The following ARMC8 variants were observed in gnomAD, a reference collection of about 807,000 sequenced individuals.
The protein encoded by ARMC8 is armadillo repeat containing 8, also known as armadillo repeat-containing protein 8.
ARMC8 carries 20 observed loss-of-function variants against 99.3 expected under a neutral mutation model. The ratio of observed to expected loss-of-function variants is 0.20; its 90% confidence interval spans 0.14 to 0.29. ARMC8 has a LOEUF of 0.29. Among genes scored for constraint, ARMC8 ranks in the 10% least tolerant of loss-of-function variants. The probability of loss-of-function intolerance (pLI) is 1.00; values close to 1 mark genes in which losing one functional copy is unlikely to be tolerated. For missense variants in ARMC8, 569 were observed against 809.5 expected, an observed-to-expected ratio of 0.70 and a Z score of 3.60; for synonymous variants, 263 against 278.3, an observed-to-expected ratio of 0.95 and a Z score of 0.55.
At chr3:138,195,661 G>C (rs190592645) in intron 1 of ARMC8, among the ~76,000 whole-genome samples, 1 of 152,008 alleles carries the variant, frequency 6.6e-6, no homozygotes. Flanking sequence ...CATCTGTCCT[G>C]TTGGCTTCTG....
intron 14 of ARMC8, among the ~76,000 whole-genome samples, chr3:138,264,926 CTCACTGTG>C (rs2048129525): frequency 1.3e-5 from 2 of 150,262 alleles, no homozygotes; most frequent in East Asian, 2.0e-4. Context: ...GACACAGGGT[CTCACTGTG>C]TCACACAGGC....
chr3:138,234,919 A>C (rs2046251576), intron 6 of ARMC8, 115 bp from the exon 7 acceptor site: 1 of 774,788 alleles, frequency 1.3e-6, no homozygotes, highest in African/African-American at 1.8e-5. Context: ...TTAAGCAAAG[A>C]GTAACAGGAT....
intron 21 of ARMC8, among the ~76,000 whole-genome samples, chr3:138,291,060 AC>A (rs1347061515): frequency 6.6e-6 from 1 of 152,238 alleles, no homozygotes; most frequent in Non-Finnish European, 1.5e-5. Flanking sequence ...CTAAGGAATC[AC>A]TGTCCTCAAA....
intron 2 of ARMC8, among the ~76,000 whole-genome samples, chr3:138,218,905 A>G (rs752666139): frequency 2.0e-5 from 3 of 152,204 alleles, no homozygotes; most frequent in Non-Finnish European, 2.9e-5. Context: ...AGTTAGAAAC[A>G]CTTTTATTTT....
chr3:138,275,723 G>A (rs1445375458), intron 18 of ARMC8, among the ~76,000 whole-genome samples: 1 of 152,184 alleles, frequency 6.6e-6, no homozygotes, highest in Non-Finnish European at 1.5e-5. Context: ...AGCCTTGGAA[G>A]AACAGTCCAG....
At chr3:138,195,103 C>T (rs575286852) in intron 1 of ARMC8, among the ~76,000 whole-genome samples, 24 of 151,866 alleles carry the variant, frequency 1.6e-4, no homozygotes, top group South Asian at 1.5e-3. Context: ...GGTGAAACCC[C>T]GTCTCTACTA....
At chr3:138,188,916 A>T (rs1280559328) in intron 1 of ARMC8, among the ~76,000 whole-genome samples, 1 of 152,182 alleles carries the variant, frequency 6.6e-6, no homozygotes, top group African/African-American at 2.4e-5. Context: ...AATACTGTTT[A>T]CCTAAGTATT....
In ARMC8 at chr3:138,270,023, T is replaced by C. The variant is rs1560021902; in HGVS notation, c.1387-17T>C. On this transcript the variant is annotated splice_polypyrimidine_tract_variant and intron_variant, in intron 15 of 21. Transcript: ENST00000469044. ...GACTTTAAAGCTGTGATTTTTTTTT[T>C]CCCTGTCCAATGGCAGCCAATTTTG... 6.3e-7 allele frequency: 1 copy of C among 1,578,886 alleles called. No individual in the cohort carries two copies. Among genetic ancestry groups the C allele is most frequent in the Non-Finnish European group, 8.7e-7 (1 of 1,149,066 alleles).
In ARMC8 at chr3:138,228,873, A is replaced by G. The variant is rs374756423; in HGVS notation, c.436-45A>G. ...AAATATTTTATATTTTATCAAATGT[A>G]CTCATGGTGCCTGAGTTTCTTGTTG... On this transcript the variant is annotated intron_variant, in intron 5 of 21. Coordinates refer to ENST00000469044, the MANE Select transcript of ARMC8 (RefSeq NM_001363941.2). 3.5e-5 allele frequency: 40 copies of G among 1,138,418 alleles called. No individual in the cohort carries two copies. In the Admixed American group the frequency reaches 4.7e-4, roughly 13 times the overall value. The allele number at this position is 1,138,418 out of a possible 1,614,324, so 70.5% of individuals were successfully genotyped here.
At chr3:138,267,106 C>A in intron 14 of ARMC8, 49 bp from the exon 15 acceptor site, 1 of 928,472 alleles carries the variant, frequency 1.1e-6, no homozygotes, top group Non-Finnish European at 1.6e-6. Flanking sequence ...TTTTATATCT[C>A]ATCTTCATCA....
At chr3:138,274,638 C>CA in intron 18 of ARMC8, 94 bp downstream of exon 18, 1 of 906,640 alleles carries the variant, frequency 1.1e-6, no homozygotes, top group Non-Finnish European at 1.8e-6. Context: ...CTGCAGAAGA[C>CA]AGAGTGCTGA....
chr3:138,254,834 C>T (rs1178316066), intron 12 of ARMC8, among the ~76,000 whole-genome samples: 1 of 152,132 alleles, frequency 6.6e-6, no homozygotes, highest in East Asian at 1.9e-4. Flanking sequence ...TTAACATAAA[C>T]GACTTTCCCA....
At chr3:138,257,751 G>A (rs534061164) in intron 12 of ARMC8, among the ~76,000 whole-genome samples, 1 of 152,228 alleles carries the variant, frequency 6.6e-6, no homozygotes, top group African/African-American at 2.4e-5. Flanking sequence ...GCGTGTCCTG[G>A]GACTTGTGTT....
intron 19 of ARMC8, among the ~76,000 whole-genome samples, chr3:138,285,631 ACTTC>A (rs1460892381): frequency 6.6e-6 from 1 of 151,970 alleles, no homozygotes; most frequent in Non-Finnish European, 1.5e-5. Context: ...CATTTTGTTC[ACTTC>A]CTTCAGAGCA....
chr3:138,295,731 G>A (rs964551521), intron 21 of ARMC8, 128 bp from the exon 22 acceptor site: 1 of 965,166 alleles, frequency 1.0e-6, no homozygotes, highest in Non-Finnish European at 1.6e-6. Flanking sequence ...GTGCCCACCT[G>A]GGCTCACCCC....
chr3:138,272,652 G>A (rs1198651796), intron 16 of ARMC8, among the ~76,000 whole-genome samples: 4 of 152,154 alleles, frequency 2.6e-5, no homozygotes. Flanking sequence ...CAAAGCAAGT[G>A]GATCACGAGG....
At chr3:138,279,251 A>G (rs930202563) in intron 18 of ARMC8, among the ~76,000 whole-genome samples, 1 of 152,174 alleles carries the variant, frequency 6.6e-6, no homozygotes, top group Non-Finnish European at 1.5e-5. Flanking sequence ...TTTTATTTTT[A>G]AACCCCAAAC....
At chr3:138,218,909 T>C (rs558151412) in intron 2 of ARMC8, among the ~76,000 whole-genome samples, 1 of 152,316 alleles carries the variant, frequency 6.6e-6, no homozygotes, top group African/African-American at 2.4e-5. Context: ...AGAAACACTT[T>C]TATTTTGCAT....
chr3:138,255,902 C>T (rs1316799815), intron 12 of ARMC8, among the ~76,000 whole-genome samples: 2 of 152,146 alleles, frequency 1.3e-5, no homozygotes, highest in South Asian at 2.1e-4. Flanking sequence ...ATCGCTCGAA[C>T]CCGGGAGGCG....
Sources: allele counts gnomAD v4.1 joint callset (sites outside exome capture counted in the v4.1 genomes callset), GRCh38; gene constraint gnomAD v4.1.1; transcripts MANE v1.5; gene names NCBI Gene and HGNC (gene_info 2026-07-23, HGNC 2026-07-21).